HNF1B: variants seen among roughly 807,000 people sequenced by gnomAD.
HNF1B encodes the protein HNF1 homeobox B.
Under a neutral mutation model 61.7 loss-of-function variants are expected in HNF1B, and 8 were observed. That is an observed-to-expected ratio of 0.13 (90% CI 0.08 to 0.23). The LOEUF (loss-of-function observed/expected upper bound fraction) is 0.23, where lower values mean the gene tolerates loss of function less well. Among genes scored for constraint, HNF1B ranks in the 10% least tolerant of loss-of-function variants. The pLI is 1.00. For synonymous variants in HNF1B, 314 were observed against 287.7 expected (o/e 1.09, Z -0.93); for missense variants, 562 against 714.5 (o/e 0.79, Z 2.43).
intron 4 of HNF1B, among the ~76,000 whole-genome samples, chr17:37,719,867 G>A (rs932333576): frequency 6.6e-5 from 10 of 152,252 alleles, no homozygotes; most frequent in African/African-American, 2.2e-4. Flanking sequence ...TACCCAGGGA[G>A]AAGATCCTTT....
At chr17:37,731,314 A>G (rs1381655091) in intron 4 of HNF1B, 6 of 576,882 alleles carry the variant, frequency 1.0e-5, no homozygotes, top group Admixed American at 8.4e-5. Context: ...CCGCTGAGTC[A>G]GCAGCCACAC....
At chr17:37,719,978 T>TATCACCATCATC (rs896991293) in intron 4 of HNF1B, among the ~76,000 whole-genome samples, 1 of 152,098 alleles carries the variant, frequency 6.6e-6, no homozygotes, top group East Asian at 1.9e-4. Flanking sequence ...TCAGTATCAT[T>TATCACCATCATC]ATCACCATCA....
intron 1 of HNF1B, 74 bp downstream of exon 1, chr17:37,744,467 C>A: frequency 6.8e-7 from 1 of 1,468,274 alleles, no homozygotes. Context: ...TGTGGTCGGG[C>A]GCAGTGTCAC....
chr17:37,733,454 C>T, intron 3 of HNF1B, 103 bp downstream of exon 3: 2 of 1,335,588 alleles, frequency 1.5e-6, no homozygotes, highest in Non-Finnish European at 2.2e-6. Context: ...GATTTAGCCA[C>T]ACTTATCTGT....
At position 37,686,847 on chromosome 17, in the gene HNF1B, G is replaced by A. The variant is rs1297871631; in HGVS notation, c.*525C>T. 1.1e-5 allele frequency: 3 copies of A among 268,428 alleles called. No individual in the cohort carries two copies. Among genetic ancestry groups the A allele is most frequent in the African/African-American group, 4.4e-5 (2 of 45,554 alleles). The allele number at this position is 268,428 out of a possible 1,614,324, so 16.6% of individuals were successfully genotyped here. ...GGGCAGAGGGGAGAGGACACAGAGG[G>A]GAAATTGCACTTAATTACAGTAGTT... is the stretch of plus-strand genomic sequence containing the variant. On this transcript the variant is annotated 3_prime_UTR_variant, in exon 9 of 9. Coordinates refer to ENST00000617811, the MANE Select transcript of HNF1B (RefSeq NM_000458.4).
rs751187066 is a variant in HNF1B at position 37,744,913 on chromosome 17, AG to A, written c.-30del. Reference sequence around the variant, plus strand: ...CCAAGGACGGAAAAAGAAGGGGGTGAGGGGGTGGGTGGGTGCGAGAGAGGAG... The same window carrying A: ...CCAAGGACGGAAAAAGAAGGGGGTGAGGGGTGGGTGGGTGCGAGAGAGGAG... On this transcript the variant is annotated 5_prime_UTR_variant, in exon 1 of 9. Transcript: ENST00000617811. 2 of 324,846 alleles carry A rather than the reference AG, an allele frequency of 6.2e-6. No individual in the cohort carries two copies. Among genetic ancestry groups the A allele is most frequent in the African/African-American group, 6.6e-5 (1 of 15,088 alleles). 20.1% of individuals were successfully genotyped at this position (324,846 alleles called of 1,614,324 possible). A position where few individuals can be genotyped will look rare whatever the true frequency, so the allele number is the denominator to read the frequency against.
chr17:37,744,927 T>A lies in HNF1B; in HGVS notation c.-43A>T. 3.8e-6 allele frequency: 3 copies of A among 783,016 alleles called. No homozygotes were observed. Among genetic ancestry groups the A allele is most frequent in the East Asian group, 3.3e-5 (1 of 30,692 alleles). 48.5% of individuals were successfully genotyped at this position (783,016 alleles called of 1,614,324 possible). On this transcript the variant is annotated 5_prime_UTR_variant, in exon 1 of 9. Coordinates refer to ENST00000617811, the MANE Select transcript of HNF1B (RefSeq NM_000458.4). Reference sequence around the variant, plus strand: ...AGAAGGGGGTGAGGGGGTGGGTGGGTGCGAGAGAGGAGGGTGGAGGGGAGT... The same window carrying A: ...AGAAGGGGGTGAGGGGGTGGGTGGGAGCGAGAGAGGAGGGTGGAGGGGAGT...
rs748391570 is a variant in HNF1B, at chr17:37,704,899, A to G, written c.1339+18T>C. 1.9e-6 allele frequency: 3 copies of G among 1,614,054 alleles called. No individual in the cohort carries two copies. The highest frequency in any genetic ancestry group is 1.7e-6 in the Non-Finnish European group (2 of 1,179,942). On this transcript the variant is annotated intron_variant, in intron 6 of 8. Transcript: ENST00000617811. ...CTTCTCCCTGCCCCCAAGTTTTCCA[A>G]CCAAGAATAGAACTTACTTTGTGCA...
At chr17:37,700,863 A>C (rs1417184375) in intron 7 of HNF1B, 120 bp downstream of exon 7, 2 of 880,790 alleles carry the variant, frequency 2.3e-6, no homozygotes, top group African/African-American at 3.3e-5. Flanking sequence ...TCGGTTGATC[A>C]TAGGCAGGGA....
intron 8 of HNF1B, 146 bp downstream of exon 8, chr17:37,698,930 A>G: frequency 1.4e-6 from 1 of 720,420 alleles, no homozygotes; most frequent in Non-Finnish European, 2.5e-6. Context: ...TTGCCCTGGG[A>G]CCTTAAGGAT....
In HNF1B at chr17:37,731,605, G is replaced by A; in HGVS notation, c.1035C>T (p.Asn345=). ...CCAACCTTTGCTTACCTGACAGCTTGTTTGGAGGAGAGGAGCTGGGCTGGT... is the reference window on the plus strand; with the variant it reads ...CCAACCTTTGCTTACCTGACAGCTTATTTGGAGGAGAGGAGCTGGGCTGGT... ...PHHQPSSSPP[N]KLSGVRYSQQ... The change falls in exon 4 of 9, where the codon AAC becomes AAT. Residue 345 remains asparagine (N), a synonymous_variant. Coordinates refer to ENST00000617811, the MANE Select transcript of HNF1B (RefSeq NM_000458.4). 6.2e-7 allele frequency: 1 copy of A among 1,612,506 alleles called. No individual in the cohort carries two copies. Among genetic ancestry groups the A allele is most frequent in the Non-Finnish European group, 8.5e-7 (1 of 1,179,212 alleles).
chr17:37,744,595 G>T lies in HNF1B; in HGVS notation c.290C>A (p.Ala97Glu). 2 of 1,608,466 alleles carry T rather than the reference G, an allele frequency of 1.2e-6. No individual in the cohort carries two copies. Among genetic ancestry groups the T allele is most frequent in the African/African-American group, 1.3e-5 (1 of 75,074 alleles). The change falls in exon 1 of 9, where the codon GCG becomes GAG. Residue 97 changes from alanine to glutamate, a missense_variant. Around this residue, in one of 6 missense-constraint regions of HNF1B, gnomAD observed 148 missense variants for 147.3 expected, o/e 1.00. Transcript: ENST00000617811. The part of the protein sequence containing the change: ...DTPPILKELQ[A>E]LNTEEAAEQR... ...CTCCGCCGCCTCCTCGGTGTTGAGCGCCTGCAGCTCCTTGAGGATGGGAGG... is the reference window on the plus strand; with the variant it reads ...CTCCGCCGCCTCCTCGGTGTTGAGCTCCTGCAGCTCCTTGAGGATGGGAGG...
At chr17:37,708,044 C>T (rs1395033950) in intron 5 of HNF1B, among the ~76,000 whole-genome samples, 3 of 152,168 alleles carry the variant, frequency 2.0e-5, no homozygotes, top group Non-Finnish European at 2.9e-5. Context: ...AACCCTATGA[C>T]GTAGGCATCA....
chr17:37,691,058 T>C (rs182975372), intron 8 of HNF1B, among the ~76,000 whole-genome samples: 9 of 152,120 alleles, frequency 5.9e-5, no homozygotes, highest in Non-Finnish European at 1.3e-4. Flanking sequence ...GCCAGTGCCG[T>C]AGAAGAACCA....
intron 4 of HNF1B, among the ~76,000 whole-genome samples, chr17:37,713,929 G>A (rs532064686): frequency 6.6e-6 from 1 of 152,362 alleles, no homozygotes; most frequent in Non-Finnish European, 1.5e-5. Context: ...AGGTGCTCTT[G>A]TTAGAGGAAG....
At chr17:37,731,303 A>T (rs1178987777) in intron 4 of HNF1B, 1 of 563,580 alleles carries the variant, frequency 1.8e-6, no homozygotes, top group Non-Finnish European at 3.2e-6. Flanking sequence ...GTGTAGAATG[A>T]CCGCTGAGTC....
Position 37,705,008 on chromosome 17 carries a change from C to T in HNF1B, c.1248G>A (p.Leu416=). 2 of 1,614,026 alleles carry T rather than the reference C, an allele frequency of 1.2e-6. No individual in the cohort carries two copies. Among genetic ancestry groups the T allele is most frequent in the Non-Finnish European group, 1.7e-6 (2 of 1,179,940 alleles). ...GGTGGGAGAGGCTGTGGATATTCGT[C>T]AAGGTGCTGACTGGGGGCAAACCTC... is the stretch of plus-strand genomic sequence containing the variant. ...SGGGLPPVST[L]TNIHSLSHHN... is the part of the protein sequence containing the mutation. Residue 416 remains leucine, a synonymous_variant, in exon 6 of 9, where the codon TTG becomes TTA. Coordinates refer to ENST00000617811, the MANE Select transcript of HNF1B (RefSeq NM_000458.4).
At chr17:37,728,597 C>A (rs1313698117) in intron 4 of HNF1B, 1 of 151,232 alleles carries the variant, frequency 6.6e-6, no homozygotes, top group East Asian at 1.9e-4. Flanking sequence ...TGAGCCACCG[C>A]ACCCGGCCTT....
At chr17:37,722,927 A>C (rs1412878545) in intron 4 of HNF1B, among the ~76,000 whole-genome samples, 1 of 152,010 alleles carries the variant, frequency 6.6e-6, no homozygotes, top group East Asian at 1.9e-4. Flanking sequence ...GGGGGCCATT[A>C]AGCTTCCCAG....
Sources: allele counts gnomAD v4.1 joint callset (sites outside exome capture counted in the v4.1 genomes callset), GRCh38; gene constraint gnomAD v4.1.1; regional missense constraint gnomAD v4.1.1; transcripts MANE v1.5; gene names NCBI Gene and HGNC (gene_info 2026-07-23, HGNC 2026-07-21).